UBE2E3: variants seen among roughly 807,000 people sequenced by gnomAD.
UBE2E3 encodes the protein ubiquitin-conjugating enzyme E2 E3.
Under a neutral mutation model 23.6 loss-of-function variants are expected in UBE2E3, and 5 were observed. That is an observed-to-expected ratio of 0.21 (90% confidence interval 0.11 to 0.44). The LOEUF (loss-of-function observed/expected upper bound fraction) is 0.44, where lower values mean the gene tolerates loss of function less well. Ranked by LOEUF, UBE2E3 falls within the 20% of genes least tolerant of loss-of-function variation. UBE2E3 has a pLI of 0.99. For synonymous variants in UBE2E3, 78 were observed against 87.5 expected (o/e 0.89, Z 0.60); for missense variants, 81 against 249.8 (o/e 0.32, Z 4.55).
chr2:181,034,651 A>C (rs1489845710), intron 3 of UBE2E3, among the ~76,000 whole-genome samples: 1 of 152,052 alleles, frequency 6.6e-6, no homozygotes, highest in East Asian at 1.9e-4. Flanking sequence ...CGTTGTGCAC[A>C]TGTACCCTAG....
At chr2:181,012,606 T>A (rs1303053835) in intron 3 of UBE2E3, among the ~76,000 whole-genome samples, 1 of 152,208 alleles carries the variant, frequency 6.6e-6, no homozygotes. Flanking sequence ...ATCTCTTTGT[T>A]ATCTATGAAG....
At position 180,980,901 on chromosome 2, in the gene UBE2E3, TAAGGAAGG is replaced by T. The variant is rs1684261519; in HGVS notation, c.-97_-90del. ...CCCCCCACAGCTGCCTCCATTTCCT[TAAGGAAGG>T]GTTTTTTTCTCTCTCCCTCCCCCAC... On this transcript the variant is annotated 5_prime_UTR_variant, in exon 1 of 6. It removes the in-frame stop codon of an upstream open reading frame in the 5' UTR. Transcript: ENST00000410062. The surrounding 1 kb of genome is among the most constrained non-coding windows in gnomAD (Gnocchi z 5.5). 1 of 142,492 alleles carries T rather than the reference TAAGGAAGG, an allele frequency of 7.0e-6. No individual in the cohort carries two copies. Among genetic ancestry groups the T allele is most frequent in the South Asian group, 2.2e-4 (1 of 4,616 alleles). 8.8% of individuals were successfully genotyped at this position (142,492 alleles called of 1,614,324 possible).
intron 3 of UBE2E3, among the ~76,000 whole-genome samples, chr2:181,043,281 T>C (rs1214079949): frequency 6.6e-6 from 1 of 152,204 alleles, no homozygotes; most frequent in African/African-American, 2.4e-5. Flanking sequence ...AAATGAATGC[T>C]TACTAGTAGC....
At chr2:181,034,279 A>C (rs868801321) in intron 3 of UBE2E3, among the ~76,000 whole-genome samples, 2 of 152,226 alleles carry the variant, frequency 1.3e-5, no homozygotes, top group African/African-American at 4.8e-5. Context: ...AACCAACCCA[A>C]ATGTCCATCA....
At chr2:181,023,800 T>C (rs1685783023) in intron 3 of UBE2E3, among the ~76,000 whole-genome samples, 1 of 152,190 alleles carries the variant, frequency 6.6e-6, no homozygotes, top group South Asian at 2.1e-4. Flanking sequence ...ATCTACCTGA[T>C]AATTTTGGTG....
Position 180,980,831 on chromosome 2 carries a change from G to A in UBE2E3, c.-168G>A, listed in dbSNP as rs1320747643. On this transcript the variant is annotated 5_prime_UTR_variant, in exon 1 of 6. Transcript: ENST00000410062. This position sits in a 1 kb window ranked among gnomAD's most constrained non-coding sequence, Gnocchi z 5.5. ...CGACTTTCAATGTTCCACACTCCCCGGCCAGAGCCTCCTCGGCTTCTTTTT... is the reference window on the plus strand; with the variant it reads ...CGACTTTCAATGTTCCACACTCCCCAGCCAGAGCCTCCTCGGCTTCTTTTT... 3.4e-5 allele frequency: 5 copies of A among 149,198 alleles called. No individual in the cohort carries two copies. Among genetic ancestry groups the A allele is most frequent in the East Asian group, 2.0e-4 (1 of 5,104 alleles). The allele number at this position is 149,198 out of a possible 1,614,324, so 9.2% of individuals were successfully genotyped here.
intron 3 of UBE2E3, 49 bp downstream of exon 3, chr2:180,984,142 A>G (rs555168123): frequency 6.6e-7 from 1 of 1,508,918 alleles, no homozygotes. Context: ...GAAAAATACC[A>G]AGAGATTGAT....
chr2:181,049,279 T>C (rs917187651), intron 3 of UBE2E3, among the ~76,000 whole-genome samples: 4 of 152,066 alleles, frequency 2.6e-5, no homozygotes, highest in Admixed American at 2.6e-4. Flanking sequence ...CTAAAGACAA[T>C]ATACTTATAG....
At position 180,992,896 on chromosome 2, in the gene UBE2E3, A is replaced by T. The variant is rs75994074; in HGVS notation, c.245+8803A>T. Among the ~76,000 whole-genome samples the T allele has an allele frequency of 8.5e-3, 1,291 of 152,250 alleles. 21 individuals carry two copies. The highest frequency in any genetic ancestry group is 0.03 in the African/African-American group (1,226 of 41,534). On this transcript the variant is annotated intron_variant, in intron 3 of 5. Coordinates refer to ENST00000410062, the MANE Select transcript of UBE2E3 (RefSeq NM_006357.4). ...GATCAGGCTGGGATTTGCTTTTTCCAGTGAGTCTCTTTGGAAGAGTGGCTG... is the reference window on the plus strand; with the variant it reads ...GATCAGGCTGGGATTTGCTTTTTCCTGTGAGTCTCTTTGGAAGAGTGGCTG...
chr2:181,028,604 A>G (rs929139051), intron 3 of UBE2E3, among the ~76,000 whole-genome samples: 11 of 151,894 alleles, frequency 7.2e-5, no homozygotes, highest in African/African-American at 2.7e-4. Context: ...TATGGGTATA[A>G]AAATAGTATT....
intron 3 of UBE2E3, among the ~76,000 whole-genome samples, chr2:180,999,111 A>G (rs1035475525): frequency 3.9e-5 from 6 of 152,140 alleles, no homozygotes; most frequent in Non-Finnish European, 1.5e-5. Context: ...GCTAAATGAC[A>G]GTTATCTAAT....
rs1687028713 is a variant in UBE2E3 at position 181,057,843 on chromosome 2, C to T, written c.378+18C>T. ...CACCAAAGGTAAGAAGCTTGAAGTG[C>T]ATTCTTTAGTATTTAATCCTTCTCC... On this transcript the variant is annotated intron_variant, in intron 4 of 5. Coordinates refer to ENST00000410062, the MANE Select transcript of UBE2E3 (RefSeq NM_006357.4). 1.9e-6 allele frequency: 3 copies of T among 1,608,562 alleles called. No individual in the cohort carries two copies. The highest frequency in any genetic ancestry group is 2.5e-6 in the Non-Finnish European group (3 of 1,176,694).
At chr2:180,986,690 C>T (rs1239665749) in intron 3 of UBE2E3, among the ~76,000 whole-genome samples, 1 of 152,000 alleles carries the variant, frequency 6.6e-6, no homozygotes, top group Non-Finnish European at 1.5e-5. Context: ...ATACATTTGG[C>T]TTTCGTGTGT....
intron 3 of UBE2E3, among the ~76,000 whole-genome samples, chr2:181,048,616 A>G (rs1686739788): frequency 6.6e-6 from 1 of 151,786 alleles, no homozygotes; most frequent in African/African-American, 2.4e-5. Context: ...TTTAGTTAGT[A>G]GAATTATTTT....
chr2:180,989,922 A>G, intron 3 of UBE2E3: 2 of 1,549,710 alleles, frequency 1.3e-6, no homozygotes, highest in African/African-American at 2.7e-5. Flanking sequence ...GGACATTCAG[A>G]TTGAGAATGA....
At chr2:181,022,662 A>G (rs1181554204) in intron 3 of UBE2E3, among the ~76,000 whole-genome samples, 2 of 152,102 alleles carry the variant, frequency 1.3e-5, no homozygotes, top group Non-Finnish European at 2.9e-5. Context: ...GACCATTTCA[A>G]ACAATGAAAT....
chr2:181,026,082 G>T (rs954539463), intron 3 of UBE2E3, among the ~76,000 whole-genome samples: 5 of 151,894 alleles, frequency 3.3e-5, no homozygotes, highest in African/African-American at 4.8e-5. Flanking sequence ...TAGATTTGGG[G>T]AGGCTTTTGC....
intron 5 of UBE2E3, 79 bp downstream of exon 5, chr2:181,060,891 T>A: frequency 1.7e-6 from 2 of 1,149,064 alleles, no homozygotes; most frequent in Non-Finnish European, 2.3e-6. Flanking sequence ...TTTTTTTTAG[T>A]TAGCTTTAAA....
At chr2:180,997,384 C>T (rs1336785181) in intron 3 of UBE2E3, among the ~76,000 whole-genome samples, 1 of 151,386 alleles carries the variant, frequency 6.6e-6, no homozygotes, top group Non-Finnish European at 1.5e-5. Context: ...ATGACTTATT[C>T]TGTTTCTTTT....
Sources: allele counts gnomAD v4.1 joint callset (sites outside exome capture counted in the v4.1 genomes callset), GRCh38; gene constraint gnomAD v4.1.1; non-coding constraint Gnocchi (gnomAD v3.1); transcripts MANE v1.5; gene names NCBI Gene and HGNC (gene_info 2026-07-23, HGNC 2026-07-21).